Variants in PCDHGB5 observed in about 807,000 individuals in gnomAD.
PCDHGB5 encodes the protein protocadherin gamma-B5.
Under a neutral mutation model 62.9 loss-of-function variants are expected in PCDHGB5, and 48 were observed. The observed-to-expected ratio is 0.76, with a 90% CI of 0.61 to 0.97. PCDHGB5 has a LOEUF of 0.97. PCDHGB5 is among the 50% of genes least tolerant of loss of function. The pLI is 0.00. For synonymous variants in PCDHGB5, 474 were observed against 511.2 expected, an observed-to-expected ratio of 0.93 and a Z score of 0.98; for missense variants, 1,118 against 1,198.6, an observed-to-expected ratio of 0.93 and a Z score of 0.99.
intron 1 of PCDHGB5, chr5:141,414,528 C>T: frequency 6.2e-7 from 1 of 1,613,970 alleles, no homozygotes; most frequent in Non-Finnish European, 8.5e-7. Flanking sequence ...ATATCAATGA[C>T]AACCCACCTA....
At position 141,398,820 on chromosome 5, in the gene PCDHGB5, G is replaced by T. The variant is rs1376527266; in HGVS notation, c.693G>T (p.Gln231His). 2 of 1,613,854 alleles carry T rather than the reference G, an allele frequency of 1.2e-6. No homozygotes were observed. Among genetic ancestry groups the T allele is most frequent in the African/African-American group, 2.7e-5 (2 of 74,924 alleles). Residue 231 changes from glutamine (Q) to histidine (H), a missense_variant, in exon 1 of 4, where the codon CAG becomes CAT. Physicochemically the swap from Gln to His is conservative, Grantham distance 24. Around this residue, in one of 2 missense-constraint regions of PCDHGB5, gnomAD observed 1,034 missense variants for 1,029.1 expected, o/e 1.00. Transcript: ENST00000617380. ...GCGGCACCACTGAGCTCCGGATCCA[G>T]GTAACCGACGCCAATGATAATCCCC... ...PLSGTTELRI[Q>H]VTDANDNPPV...
intron 1 of PCDHGB5, chr5:141,421,223 C>T: frequency 6.3e-7 from 1 of 1,580,314 alleles, no homozygotes. Context: ...GGCTTAGAGC[C>T]TGCCATGGCG....
intron 1 of PCDHGB5, chr5:141,440,723 T>C (rs2098196558): frequency 6.6e-6 from 1 of 152,178 alleles, no homozygotes; most frequent in Non-Finnish European, 1.5e-5. Flanking sequence ...GTTGATCCTG[T>C]GTTAGAGAAG....
At position 141,486,878 on chromosome 5, in the gene PCDHGB5, C is replaced by T. The variant is rs772994346; in HGVS notation, c.2398-7929C>T. ...CAATGCTCCAGCTGTGCTCCGTCCT[C>T]GGGCCCGGCCTGGTTCCTTATGTCC... On this transcript the variant is annotated intron_variant, in intron 1 of 3. Transcript: ENST00000617380. The surrounding 1 kb of genome is among the most constrained non-coding windows in gnomAD (Gnocchi z 5.0). 3.0e-5 allele frequency: 49 copies of T among 1,614,114 alleles called. No homozygotes were observed. The highest frequency in any genetic ancestry group is 4.4e-5 in the South Asian group (4 of 91,088).
Position 141,398,203 on chromosome 5 carries a change from T to C in PCDHGB5, c.76T>C (p.Cys26Arg), listed in dbSNP as rs1365410987. 2 of 1,489,610 alleles carry C rather than the reference T, an allele frequency of 1.3e-6. No individual in the cohort carries two copies. The allele number at this position is 1,489,610 out of a possible 1,614,324, so 92.3% of individuals were successfully genotyped here. The change falls in exon 1 of 4, where the codon TGC becomes CGC. Residue 26 changes from cysteine to arginine, a missense_variant. By Grantham distance (180) the Cys-to-Arg change is radical (BLOSUM62 -3). Around this residue, in one of 2 missense-constraint regions of PCDHGB5, gnomAD observed 84 missense variants for 169.5 expected, o/e 0.50. Coordinates refer to ENST00000617380, the MANE Select transcript of PCDHGB5 (RefSeq NM_018925.3). Reference protein sequence around the residue: ...VLFLFLLSLFCPALCEQIRYR... With the variant: ...VLFLFLLSLFRPALCEQIRYR... ...CTTTCTCTTCCTGCTGTCTTTGTTCTGCCCGGCGCTCTGTGAGCAGATCCG... is the reference window on the plus strand; with the variant it reads ...CTTTCTCTTCCTGCTGTCTTTGTTCCGCCCGGCGCTCTGTGAGCAGATCCG...
chr5:141,498,930 C>T (rs2099786911), intron 2 of PCDHGB5, among the ~76,000 whole-genome samples: 1 of 121,364 alleles, frequency 8.2e-6, no homozygotes, highest in Non-Finnish European at 1.6e-5. Flanking sequence ...GAGACTCCAT[C>T]AGGAAAGAAA....
chr5:141,484,242 A>G (rs995022030), intron 1 of PCDHGB5, among the ~76,000 whole-genome samples: 1 of 152,216 alleles, frequency 6.6e-6, no homozygotes, highest in African/African-American at 2.4e-5. Flanking sequence ...TCTGGTCCTT[A>G]GCACCTCCCA....
intron 1 of PCDHGB5, among the ~76,000 whole-genome samples, chr5:141,482,791 G>T (rs1039924143): frequency 2.6e-5 from 4 of 152,168 alleles, no homozygotes; most frequent in African/African-American, 9.7e-5. Flanking sequence ...TGTGTGTGTG[G>T]CCGGGTACGG....
intron 1 of PCDHGB5, chr5:141,468,401 C>G (rs943048252): frequency 6.7e-6 from 1 of 149,126 alleles, no homozygotes; most frequent in Non-Finnish European, 1.5e-5. Flanking sequence ...TTGGTGAGAA[C>G]TAATAATAAG....
chr5:141,423,940 G>A (rs937456850), intron 1 of PCDHGB5: 1 of 1,217,098 alleles, frequency 8.2e-7, no homozygotes, highest in Non-Finnish European at 1.0e-6. Flanking sequence ...TTTGAAGTAA[G>A]TTGAATTTTA....
rs774780380 is a variant in PCDHGB5 at position 141,432,864 on chromosome 5, G to C, written c.2397+32340G>C. Reference sequence around the variant, plus strand: ...GTGGTAGCGGTGGCCGCGGTCTCCTGCGTCTTCCTGGCCTTCGTCATCTTG... The same window carrying C: ...GTGGTAGCGGTGGCCGCGGTCTCCTCCGTCTTCCTGGCCTTCGTCATCTTG... On this transcript the variant is annotated intron_variant, in intron 1 of 3. Coordinates refer to ENST00000617380, the MANE Select transcript of PCDHGB5 (RefSeq NM_018925.3). The surrounding 1 kb of genome is among the most constrained non-coding windows in gnomAD (Gnocchi z 6.0). 6.2e-7 allele frequency: 1 copy of C among 1,614,168 alleles called. No homozygotes were observed.
At position 141,490,456 on chromosome 5, in the gene PCDHGB5, C is replaced by G. The variant is rs370141879; in HGVS notation, c.2398-4351C>G. On this transcript the variant is annotated intron_variant, in intron 1 of 3. Transcript: ENST00000617380. The surrounding 1 kb of genome is among the most constrained non-coding windows in gnomAD (Gnocchi z 5.4). The stretch of plus-strand genomic sequence containing the variant: ...TAAGCCTTCTGAGAACCACTACTCG[C>G]TGCTAACCAGCCAGCCTTTGGACCG... 3.7e-6 allele frequency: 6 copies of G among 1,614,114 alleles called. No individual in the cohort carries two copies. Among genetic ancestry groups the G allele is most frequent in the Non-Finnish European group, 5.1e-6 (6 of 1,180,058 alleles).
chr5:141,491,208 C>G lies in PCDHGB5; in HGVS notation c.2398-3599C>G. 6.2e-7 allele frequency: 1 copy of G among 1,614,204 alleles called. No individual in the cohort carries two copies. Among genetic ancestry groups the G allele is most frequent in the Non-Finnish European group, 8.5e-7 (1 of 1,180,026 alleles). ...TGAGGGACAATGGTGACCCTTCACTCTCCTCCACAGCCACAGTGCTGCTGG... is the reference window on the plus strand; with the variant it reads ...TGAGGGACAATGGTGACCCTTCACTGTCCTCCACAGCCACAGTGCTGCTGG... On this transcript the variant is annotated intron_variant, in intron 1 of 3. Coordinates refer to ENST00000617380, the MANE Select transcript of PCDHGB5 (RefSeq NM_018925.3). This position sits in a 1 kb window ranked among gnomAD's most constrained non-coding sequence, Gnocchi z 6.9.
intron 1 of PCDHGB5, chr5:141,419,596 G>A (rs377287183): frequency 2.6e-5 from 42 of 1,611,564 alleles, no homozygotes; most frequent in Non-Finnish European, 3.3e-5. Flanking sequence ...ACACAGTGCC[G>A]CGGGCCGCGC....
At chr5:141,426,453 G>A (rs902416171) in intron 1 of PCDHGB5, 4 of 310,612 alleles carry the variant, frequency 1.3e-5, no homozygotes, top group African/African-American at 8.6e-5. Flanking sequence ...ACATGCGGCT[G>A]CATGTTCAGG....
At position 141,432,872 on chromosome 5, in the gene PCDHGB5, C is replaced by T; in HGVS notation, c.2397+32348C>T. On this transcript the variant is annotated intron_variant, in intron 1 of 3. Transcript: ENST00000617380. This position sits in a 1 kb window ranked among gnomAD's most constrained non-coding sequence, Gnocchi z 6.0. ...GGTGGCCGCGGTCTCCTGCGTCTTC[C>T]TGGCCTTCGTCATCTTGCTGCTGGC... is the stretch of plus-strand genomic sequence containing the variant. 1.9e-6 allele frequency: 3 copies of T among 1,614,192 alleles called. No homozygotes were observed. Among genetic ancestry groups the T allele is most frequent in the Non-Finnish European group, 2.5e-6 (3 of 1,180,018 alleles).
intron 2 of PCDHGB5, among the ~76,000 whole-genome samples, chr5:141,497,671 C>T (rs1026356633): frequency 6.6e-5 from 10 of 151,878 alleles, no homozygotes; most frequent in African/African-American, 2.4e-4. Flanking sequence ...TCCCGAGTAG[C>T]TGGGACAGCA....
intron 1 of PCDHGB5, chr5:141,415,056 G>A (rs1367441891): frequency 1.2e-6 from 2 of 1,613,416 alleles, no homozygotes; most frequent in East Asian, 2.2e-5. Context: ...GGGAGCACAC[G>A]GGCGAGGTGC....
Position 141,487,779 on chromosome 5 carries a change from T to C in PCDHGB5, c.2398-7028T>C, listed in dbSNP as rs1269811316. On this transcript the variant is annotated intron_variant, in intron 1 of 3. Coordinates refer to ENST00000617380, the MANE Select transcript of PCDHGB5 (RefSeq NM_018925.3). This position sits in a 1 kb window ranked among gnomAD's most constrained non-coding sequence, Gnocchi z 5.0. ...GTAGACGCTGTGCTTTGTAACTGTT[T>C]CGTGAATTAACCAGAGTTGTCACAG... is the stretch of plus-strand genomic sequence containing the variant. 2.6e-6 allele frequency: 4 copies of C among 1,530,492 alleles called. No individual in the cohort carries two copies. The highest frequency in any genetic ancestry group is 2.6e-6 in the Non-Finnish European group (3 of 1,133,212). The allele number at this position is 1,530,492 out of a possible 1,614,324, so 94.8% of individuals were successfully genotyped here. A position where few individuals can be genotyped will look rare whatever the true frequency, so the allele number is the denominator to read the frequency against.
Sources: allele counts gnomAD v4.1 joint callset (sites outside exome capture counted in the v4.1 genomes callset), GRCh38; gene constraint gnomAD v4.1.1; regional missense constraint gnomAD v4.1.1; non-coding constraint Gnocchi (gnomAD v3.1); transcripts MANE v1.5; gene names NCBI Gene and HGNC (gene_info 2026-07-23, HGNC 2026-07-21).